Variants in ANKRD7 observed in about 807,000 individuals in gnomAD.
ANKRD7 encodes the protein ankyrin repeat domain-containing protein 7.
Under a neutral mutation model 30.8 loss-of-function variants are expected in ANKRD7, and 30 were observed. That is an observed-to-expected ratio of 0.97 (90% CI 0.73 to 1.32). The LOEUF is 1.32. ANKRD7 is among the 40% of genes most tolerant of loss of function. ANKRD7 has a pLI of 0.00. For synonymous variants in ANKRD7, 97 were observed against 106.6 expected (o/e 0.91, Z 0.55); for missense variants, 264 against 295.7 (o/e 0.89, Z 0.79).
At chr7:118,231,687 G>A (rs981031030) in intron 1 of ANKRD7, among the ~76,000 whole-genome samples, 7 of 152,078 alleles carry the variant, frequency 4.6e-5, no homozygotes, top group African/African-American at 1.4e-4. Flanking sequence ...CAGCCTTGAC[G>A]CTCATCTCAG....
chr7:118,234,655 C>A (rs1216120284), intron 2 of ANKRD7, 46 bp from the exon 3 acceptor site: 1 of 1,570,646 alleles, frequency 6.4e-7, no homozygotes, highest in East Asian at 2.2e-5. Context: ...TTTATCATAT[C>A]CCAAGTAGTA....
At chr7:118,236,196 T>TTGTGTG in intron 4 of ANKRD7, 49 bp downstream of exon 4, 3 of 993,514 alleles carry the variant, frequency 3.0e-6, no homozygotes, top group East Asian at 2.8e-5. Flanking sequence ...CCTGATAGGA[T>TTGTGTG]TGTGTGTGTG....
In ANKRD7 at chr7:118,228,000, T is replaced by C. The variant is rs370094010; in HGVS notation, c.179+2991T>C. 2.0e-4 allele frequency: 256 copies of C among 1,312,452 alleles called. 1 individual carries two copies. The highest frequency in any genetic ancestry group is 2.4e-4 in the Non-Finnish European group (236 of 992,176). 81.3% of individuals were successfully genotyped at this position (1,312,452 alleles called of 1,614,324 possible). The stretch of plus-strand genomic sequence containing the variant: ...CTGAATGACTTTATAAGGTAATCGA[T>C]AACTTCAATGTGACTTCATTCAGGG... On this transcript the variant is annotated intron_variant, in intron 1 of 6. Transcript: ENST00000265224.
chr7:118,225,854 T>C (rs1809531412), intron 1 of ANKRD7, among the ~76,000 whole-genome samples: 1 of 152,222 alleles, frequency 6.6e-6, no homozygotes. Context: ...TCACCAATTT[T>C]CTTAAATCTG....
chr7:118,238,285 G>T (rs544763007), intron 5 of ANKRD7, among the ~76,000 whole-genome samples: 1 of 152,054 alleles, frequency 6.6e-6, no homozygotes, highest in South Asian at 2.1e-4. Context: ...GTCGAAAATT[G>T]TAAGAGAATT....
intron 1 of ANKRD7, 64 bp downstream of exon 1, chr7:118,225,073 A>G (rs962096111): frequency 1.2e-5 from 19 of 1,566,632 alleles, no homozygotes; most frequent in Non-Finnish European, 1.7e-5. Flanking sequence ...AACCAGAAAT[A>G]AGACAAGTGG....
chr7:118,241,160 C>CAA (rs60703234), intron 6 of ANKRD7, among the ~76,000 whole-genome samples: 356 of 21,756 alleles, frequency 0.016, 23 homozygotes, highest in East Asian at 0.094. Context: ...GACTCCGTCT[C>CAA]AAAAAAAAAA....
intron 3 of ANKRD7, 91 bp downstream of exon 3, chr7:118,234,965 A>G (rs766888994): frequency 2.8e-5 from 31 of 1,110,354 alleles, no homozygotes; most frequent in Non-Finnish European, 3.6e-5. Flanking sequence ...AATATATGTT[A>G]TATAAAGCAT....
chr7:118,236,150 A>G lies in ANKRD7; in HGVS notation c.575+3A>G. On this transcript the variant is annotated splice_donor_region_variant and intron_variant, in intron 4 of 6. Coordinates refer to ENST00000265224, the MANE Select transcript of ANKRD7 (RefSeq NM_019644.4). ...AATGCTTCAGATAATTATCAAAGGT[A>G]TAATTAATAAATAAGATAGCACATA... 7 of 1,529,162 alleles carry G rather than the reference A, an allele frequency of 4.6e-6. No homozygotes were observed. Among genetic ancestry groups the G allele is most frequent in the Non-Finnish European group, 6.3e-6 (7 of 1,110,618 alleles). 94.7% of individuals were successfully genotyped at this position (1,529,162 alleles called of 1,614,324 possible).
chr7:118,236,370 T>A (rs369209940), intron 4 of ANKRD7, among the ~76,000 whole-genome samples: 1 of 152,226 alleles, frequency 6.6e-6, no homozygotes, highest in African/African-American at 2.4e-5. Flanking sequence ...AATCAAACAG[T>A]TGGGCCAGGT....
intron 5 of ANKRD7, among the ~76,000 whole-genome samples, chr7:118,238,669 G>A (rs1377947312): frequency 6.6e-6 from 1 of 152,112 alleles, no homozygotes; most frequent in Non-Finnish European, 1.5e-5. Flanking sequence ...TTATATTTAA[G>A]TATTTATTTT....
chr7:118,232,266 A>G (rs1315724253), intron 1 of ANKRD7, among the ~76,000 whole-genome samples: 1 of 152,092 alleles, frequency 6.6e-6, no homozygotes, highest in Non-Finnish European at 1.5e-5. Flanking sequence ...TTTAAAATAA[A>G]ATGAATGTAA....
chr7:118,240,132 A>AT lies in ANKRD7; in HGVS notation c.*37+139dup, dbSNP rs1312532083. On this transcript the variant is annotated intron_variant, in intron 6 of 6. Transcript: ENST00000265224. Reference sequence around the variant, plus strand: ...TTTGTATTATTTTGAAATGTCAAATATTTTTAAGAACTATTCTTTTTTATT... The same window carrying AT: ...TTTGTATTATTTTGAAATGTCAAATATTTTTTAAGAACTATTCTTTTTTATT... The AT allele has an allele frequency of 1.7e-5, 5 of 302,252 alleles. No individual in the cohort carries two copies. The Admixed American group carries it at 2.6e-4, about 15-fold the overall frequency. The allele number at this position is 302,252 out of a possible 1,614,324, so 18.7% of individuals were successfully genotyped here.
At chr7:118,236,182 G>T in intron 4 of ANKRD7, 35 bp downstream of exon 4, 1 of 1,275,568 alleles carries the variant, frequency 7.8e-7, no homozygotes, top group Non-Finnish European at 1.1e-6. Flanking sequence ...CATAACTAAA[G>T]CTACCTGATA....
chr7:118,234,752 G>A lies in ANKRD7; in HGVS notation c.346G>A (p.Ala116Thr), dbSNP rs2116013304. The part of the protein sequence containing the change: ...DCATILLNFG[A>T]DPDLRDIRYN... The stretch of plus-strand genomic sequence containing the variant: ...TGCTACTATTCTTCTAAACTTTGGT[G>A]CAGACCCAGATCTGAGGGATATTCG... The change falls in exon 3 of 7, where the codon GCA becomes ACA. Residue 116 changes from alanine (A) to threonine (T), a missense_variant. Coordinates refer to ENST00000265224, the MANE Select transcript of ANKRD7 (RefSeq NM_019644.4). The A allele has an allele frequency of 1.2e-6, 2 of 1,612,694 alleles. No individual in the cohort carries two copies. Among genetic ancestry groups the A allele is most frequent in the East Asian group, 2.2e-5 (1 of 44,786 alleles).
chr7:118,238,792 C>T (rs571149057), intron 5 of ANKRD7, among the ~76,000 whole-genome samples: 1 of 152,270 alleles, frequency 6.6e-6, no homozygotes, highest in South Asian at 2.1e-4. Flanking sequence ...GTGTTTCAGT[C>T]CCTGACTGAG....
rs776362244 is a variant in ANKRD7 at position 118,234,462 on chromosome 7, C to A, written c.211C>A (p.His71Asn). 1 of 1,612,200 alleles carries A rather than the reference C, an allele frequency of 6.2e-7. No individual in the cohort carries two copies. Among genetic ancestry groups the A allele is most frequent in the African/African-American group, 1.3e-5 (1 of 74,834 alleles). Residue 71 changes from histidine to asparagine, a missense_variant, in exon 2 of 7, where the codon CAT becomes AAT. By Grantham distance (68) the His-to-Asn change is moderately conservative (BLOSUM62 1). Transcript: ENST00000265224. ...TPLHLACANG[H>N]TDVVLFLIEQ... Reference sequence around the variant, plus strand: ...TTTGCACCTAGCCTGTGCTAATGGACATACAGATGTTGTACTTTTCCTAAT... The same window carrying A: ...TTTGCACCTAGCCTGTGCTAATGGAAATACAGATGTTGTACTTTTCCTAAT...
chr7:118,233,103 G>T (rs1000717410), intron 1 of ANKRD7, among the ~76,000 whole-genome samples: 3 of 152,042 alleles, frequency 2.0e-5, no homozygotes, highest in African/African-American at 7.2e-5. Context: ...AAATTTGCTT[G>T]GTAAGGATGG....
At chr7:118,232,878 G>A (rs1809664916) in intron 1 of ANKRD7, among the ~76,000 whole-genome samples, 2 of 152,226 alleles carry the variant, frequency 1.3e-5, no homozygotes, top group South Asian at 4.1e-4. Context: ...GCAGATGAGG[G>A]AGACACATCA....
Sources: gnomAD v4.1 joint callset for allele counts (sites outside exome capture counted in the v4.1 genomes callset) on GRCh38, gnomAD v4.1.1 for gene constraint, MANE v1.5 for transcripts, NCBI Gene and HGNC (gene_info 2026-07-23, HGNC 2026-07-21) for gene names.